RCOR1: variants seen among roughly 807,000 people sequenced by gnomAD.
The protein encoded by RCOR1 is REST corepressor.
RCOR1 carries 12 observed loss-of-function variants against 64.0 expected under a neutral mutation model. The observed-to-expected ratio is 0.19, with a 90% CI of 0.12 to 0.30. The LOEUF (loss-of-function observed/expected upper bound fraction) is 0.30. Among genes scored for constraint, RCOR1 ranks in the 10% least tolerant of loss-of-function variants. The probability of loss-of-function intolerance (pLI) is 1.00; values close to 1 mark genes in which losing one functional copy is unlikely to be tolerated. For synonymous variants in RCOR1, 279 were observed against 227.2 expected, an observed-to-expected ratio of 1.23 and a Z score of -2.05; for missense variants, 502 against 621.2, an observed-to-expected ratio of 0.81 and a Z score of 2.04.
chr14:102,622,683 C>T (rs961802629), intron 2 of RCOR1, among the ~76,000 whole-genome samples: 1 of 152,144 alleles, frequency 6.6e-6, no homozygotes, highest in Non-Finnish European at 1.5e-5. Flanking sequence ...AGGCCATCTC[C>T]TGATGACACT....
At chr14:102,685,078 G>T (rs539857065) in intron 3 of RCOR1, among the ~76,000 whole-genome samples, 50 of 148,034 alleles carry the variant, frequency 3.4e-4, no homozygotes, top group East Asian at 5.9e-4. Context: ...GTGTGTGTGT[G>T]TTTTTTTTTT....
At chr14:102,613,464 G>A (rs1380983834) in intron 2 of RCOR1, among the ~76,000 whole-genome samples, 2 of 140,330 alleles carry the variant, frequency 1.4e-5, no homozygotes, top group African/African-American at 2.7e-5. Context: ...ACGGAGTCTC[G>A]TTCTGTCGCC....
chr14:102,698,351 G>A (rs1227207696), intron 3 of RCOR1, among the ~76,000 whole-genome samples: 1 of 152,210 alleles, frequency 6.6e-6, no homozygotes, highest in African/African-American at 2.4e-5. Flanking sequence ...ACCACAGGCA[G>A]GACTAGCCCC....
intron 2 of RCOR1, among the ~76,000 whole-genome samples, chr14:102,635,450 G>C (rs1894216135): frequency 6.6e-6 from 1 of 152,138 alleles, no homozygotes; most frequent in African/African-American, 2.4e-5. Flanking sequence ...GTTGCAGTGA[G>C]CTGAGATCAC....
At chr14:102,653,920 C>CTTCCTTCTTTCTTTCTTTCT (rs1894646978) in intron 2 of RCOR1, among the ~76,000 whole-genome samples, 1 of 98,874 alleles carries the variant, frequency 1.0e-5, no homozygotes, top group Non-Finnish European at 2.0e-5. Flanking sequence ...CAGGTATTTC[C>CTTCCTTCTTTCTTTCTTTCT]TTCTTTCTTT....
intron 2 of RCOR1, among the ~76,000 whole-genome samples, chr14:102,641,723 A>T (rs1894373945): frequency 6.6e-6 from 1 of 152,214 alleles, no homozygotes; most frequent in Non-Finnish European, 1.5e-5. Flanking sequence ...AAGGAAAGTG[A>T]CGCTTGCACA....
At chr14:102,622,794 TCTTTA>T (rs1213976336) in intron 2 of RCOR1, among the ~76,000 whole-genome samples, 1 of 152,208 alleles carries the variant, frequency 6.6e-6, no homozygotes, top group Non-Finnish European at 1.5e-5. Flanking sequence ...TGTTGCCATT[TCTTTA>T]CTTTTCTTCT....
chr14:102,721,277 T>A, intron 9 of RCOR1, 43 bp from the exon 10 acceptor site: 1 of 1,531,940 alleles, frequency 6.5e-7, no homozygotes, highest in Non-Finnish European at 9.0e-7. Flanking sequence ...GACATACTCA[T>A]CTCTAAATGT....
intron 2 of RCOR1, among the ~76,000 whole-genome samples, chr14:102,642,372 G>A (rs1396861471): frequency 6.6e-6 from 1 of 152,232 alleles, no homozygotes; most frequent in African/African-American, 2.4e-5. Context: ...TATTTGGCAG[G>A]AGGAAATTGA....
chr14:102,700,819 A>C (rs1895741547), intron 3 of RCOR1, among the ~76,000 whole-genome samples: 1 of 151,834 alleles, frequency 6.6e-6, no homozygotes, highest in Non-Finnish European at 1.5e-5. Context: ...GTACAGGACA[A>C]GTGTATTAGT....
intron 2 of RCOR1, among the ~76,000 whole-genome samples, chr14:102,601,272 C>G (rs972971780): frequency 2.0e-5 from 3 of 152,000 alleles, no homozygotes; most frequent in African/African-American, 7.2e-5. Context: ...CTTGGCCTCC[C>G]AAAGTGCTGG....
At position 102,710,610 on chromosome 14, in the gene RCOR1, A is replaced by C. The variant is rs562714825; in HGVS notation, c.780-325A>C. On this transcript the variant is annotated intron_variant, in intron 6 of 11. Coordinates refer to ENST00000262241, the MANE Select transcript of RCOR1 (RefSeq NM_015156.4). The stretch of plus-strand genomic sequence containing the variant: ...AGTCCTCAATAGATAATTATGAGAA[A>C]ATAACATGTAAATGCATTTTCATTT... 3.5e-4 allele frequency: 83 copies of C among 237,740 alleles called. 1 individual carries two copies. In the South Asian group the frequency reaches 5.1e-3, roughly 15 times the overall value. 14.7% of individuals were successfully genotyped at this position (237,740 alleles called of 1,614,324 possible).
intron 2 of RCOR1, among the ~76,000 whole-genome samples, chr14:102,632,562 T>C (rs1217406604): frequency 1.3e-5 from 2 of 152,030 alleles, no homozygotes; most frequent in African/African-American, 4.8e-5. Context: ...TTTTTTCTTT[T>C]TTCCCCCCTG....
chr14:102,691,677 G>A (rs569513062), intron 3 of RCOR1, among the ~76,000 whole-genome samples: 82 of 152,270 alleles, frequency 5.4e-4, no homozygotes, highest in Non-Finnish European at 7.8e-4. Context: ...TGGGCAAAAC[G>A]TACTAGAATA....
At chr14:102,724,292 C>T (rs531541011) in intron 11 of RCOR1, among the ~76,000 whole-genome samples, 8 of 152,044 alleles carry the variant, frequency 5.3e-5, no homozygotes, top group South Asian at 2.1e-4. Flanking sequence ...TTTTTCACTC[C>T]GCTAGTCATT....
At chr14:102,704,800 T>C (rs939517767) in intron 4 of RCOR1, among the ~76,000 whole-genome samples, 7 of 152,216 alleles carry the variant, frequency 4.6e-5, no homozygotes, top group African/African-American at 1.7e-4. Context: ...CATTCCATCC[T>C]GGACAACATG....
intron 11 of RCOR1, among the ~76,000 whole-genome samples, chr14:102,722,870 T>A (rs1245558723): frequency 6.6e-6 from 1 of 152,244 alleles, no homozygotes; most frequent in Admixed American, 6.5e-5. Flanking sequence ...CTCTCCCTGC[T>A]GTCCAGATCT....
chr14:102,673,840 C>T (rs1188858489), intron 2 of RCOR1, among the ~76,000 whole-genome samples: 1 of 152,120 alleles, frequency 6.6e-6, no homozygotes, highest in Non-Finnish European at 1.5e-5. Flanking sequence ...GTCTCGAACT[C>T]CCGACTTCAG....
chr14:102,631,288 C>T (rs1177303058), intron 2 of RCOR1, among the ~76,000 whole-genome samples: 2 of 151,352 alleles, frequency 1.3e-5, no homozygotes, highest in East Asian at 2.0e-4. Context: ...CGGCAAGCCT[C>T]GCCTCCCAGG....
Sources: gnomAD v4.1 joint callset for allele counts (sites outside exome capture counted in the v4.1 genomes callset) on GRCh38, gnomAD v4.1.1 for gene constraint, MANE v1.5 for transcripts, NCBI Gene and HGNC (gene_info 2026-07-23, HGNC 2026-07-21) for gene names.